The following TENM1 variants were observed in gnomAD, a reference collection of about 807,000 sequenced individuals.
The protein encoded by TENM1 is teneurin transmembrane protein 1.
Under a neutral mutation model 174.8 loss-of-function variants are expected in TENM1, and 35 were observed. The ratio of observed to expected loss-of-function variants is 0.20; its 90% CI spans 0.15 to 0.27. The LOEUF is 0.27. Ranked by LOEUF, TENM1 falls within the 10% of genes least tolerant of loss-of-function variation. The pLI, the probability that TENM1 is intolerant of heterozygous loss-of-function variation, is 1.00. For missense variants in TENM1, 1,633 were observed against 2,130.1 expected (o/e 0.77, Z 4.59); for synonymous variants, 781 against 798.7 (o/e 0.98, Z 0.37).
At chrX:124,422,512 T>A in exon 24 of TENM1, 1 of 1,211,351 alleles carries the variant, frequency 8.3e-7, no homozygotes, top group Non-Finnish European at 1.1e-6. Flanking sequence ...TGGCAGTGAA[T>A]GGGGCGTCCT....
chrX:125,130,349 CAG>C, the TENM1 span, among the ~76,000 whole-genome samples: 1 of 110,669 alleles, frequency 9.0e-6, no homozygotes. Context: ...CTACTCAAAA[CAG>C]AAGTAAAAAC....
chrX:124,735,790 T>C (rs1242183622), intron 4 of TENM1, among the ~76,000 whole-genome samples: 2 of 111,528 alleles, frequency 1.8e-5, no homozygotes, highest in African/African-American at 6.5e-5. Flanking sequence ...GCAACATGGA[T>C]AGAGCTGTAG....
chrX:125,035,836 G>C, the TENM1 span, among the ~76,000 whole-genome samples: 65 of 110,833 alleles, frequency 5.9e-4, no homozygotes, highest in African/African-American at 2.1e-3. Context: ...GAGTCAAAAA[G>C]GTCTCAGGGC....
In TENM1 at chrX:124,464,673, A is replaced by G. The variant is rs73548508; in HGVS notation, c.3950-11182T>C. ...CGTTTGGGAGAACTGATTTGGGCTC[A>G]ATCAAGAATATATGAATATAACAAC... On this transcript the variant is annotated intron_variant, in intron 22 of 31. Transcript: ENST00000422452. Among the ~76,000 whole-genome samples, 617 of 112,183 alleles carry G rather than the reference A, an allele frequency of 5.5e-3. 8 individuals carry two copies. The highest frequency in any genetic ancestry group is 0.019 in the African/African-American group (591 of 30,888).
At chrX:124,510,728 T>G (rs751729785) in intron 18 of TENM1, among the ~76,000 whole-genome samples, 1 of 109,622 alleles carries the variant, frequency 9.1e-6, no homozygotes, top group South Asian at 4.0e-4. Flanking sequence ...AAAGTCATGA[T>G]GAGAAACACA....
chrX:124,908,822 C>T (rs1398968756), intron 1 of TENM1, among the ~76,000 whole-genome samples: 1 of 110,344 alleles, frequency 9.1e-6, no homozygotes, highest in African/African-American at 3.3e-5. Flanking sequence ...TTCATTTAAT[C>T]CTCAGAGTAG....
intron 4 of TENM1, among the ~76,000 whole-genome samples, chrX:124,711,308 GCTCT>G (rs774704122): frequency 3.0e-4 from 33 of 111,854 alleles, no homozygotes; most frequent in Middle Eastern, 9.3e-3. Context: ...GGGAAAATGT[GCTCT>G]CTATTTTTAA....
intron 27 of TENM1, among the ~76,000 whole-genome samples, chrX:124,396,304 C>CCTTTTTTTTTTTT (rs1391207394): frequency 1.4e-5 from 1 of 70,467 alleles, no homozygotes; most frequent in African/African-American, 6.3e-5. Flanking sequence ...CTCTCCCAAC[C>CCTTTTTTTTTTTT]TTTTTTTTTT....
chrX:125,084,070 T>C, the TENM1 span, among the ~76,000 whole-genome samples: 2 of 111,387 alleles, frequency 1.8e-5, no homozygotes, highest in Admixed American at 1.9e-4. Context: ...GGAAGGATTT[T>C]GCTCAAAAAG....
chrX:125,165,645 G>A, the TENM1 span, among the ~76,000 whole-genome samples: 1 of 111,830 alleles, frequency 8.9e-6, no homozygotes, highest in Non-Finnish European at 1.9e-5. Flanking sequence ...AGGGCCCACA[G>A]TTCAGGAAGA....
rs754679445 is a variant in TENM1 at position 124,523,565 on chromosome X, G to C, written c.2832C>G (p.Phe944Leu). The change falls in exon 17 of 32, where the codon TTC becomes TTG. Residue 944 changes from phenylalanine to leucine, a missense_variant. Phe to Leu is a conservative substitution (Grantham distance 22, BLOSUM62 0). This residue lies in a region of TENM1 where 449 missense variants were observed against 636.2 expected (regional missense o/e 0.71). Coordinates refer to ENST00000422452, the Ensembl canonical transcript of TENM1. ...ACCAGAGTGTTCTCTTCTCAGGCAG[G>C]AAAGGGGATCGGTCGAAGATTAAGA... 3 of 1,211,776 alleles carry C rather than the reference G, an allele frequency of 2.5e-6. No individual in the cohort carries two copies. In the East Asian group the frequency reaches 8.9e-5, roughly 36 times the overall value.
chrX:124,789,929 C>T (rs1038566268), intron 3 of TENM1, among the ~76,000 whole-genome samples: 1 of 111,772 alleles, frequency 8.9e-6, no homozygotes, highest in Admixed American at 9.5e-5. Flanking sequence ...AGTCCATTTT[C>T]ATGCTGCTGA....
intron 22 of TENM1, among the ~76,000 whole-genome samples, chrX:124,463,836 G>GGTGT (rs61128914): frequency 0.047 from 4,287 of 90,828 alleles, 100 homozygotes; most frequent in East Asian, 0.12. Flanking sequence ...TAGAGGTTGG[G>GGTGT]GTGTGTGTGT....
chrX:124,889,640 G>T (rs757784025), intron 3 of TENM1, among the ~76,000 whole-genome samples: 1 of 110,344 alleles, frequency 9.1e-6, no homozygotes, highest in Non-Finnish European at 1.9e-5. Context: ...ATTTCTTGTG[G>T]GTACCTAGTA....
At chrX:125,002,169 T>C in the TENM1 span, among the ~76,000 whole-genome samples, 1 of 111,609 alleles carries the variant, frequency 9.0e-6, no homozygotes, top group Non-Finnish European at 1.9e-5. Flanking sequence ...GCCTGGAATG[T>C]AGTTGGTATA....
intron 1 of TENM1, among the ~76,000 whole-genome samples, chrX:124,952,476 C>A (rs1372754046): frequency 7.2e-5 from 8 of 110,491 alleles, no homozygotes; most frequent in African/African-American, 2.6e-4. Context: ...ATCAAAACCA[C>A]AGATTACTTT....
At chrX:124,482,297 T>C (rs2046863134) in intron 21 of TENM1, among the ~76,000 whole-genome samples, 1 of 110,412 alleles carries the variant, frequency 9.1e-6, no homozygotes, top group Admixed American at 9.8e-5. Context: ...AGATCACTGC[T>C]GGGTGTCTCA....
At chrX:124,575,945 C>T (rs1360956452) in intron 11 of TENM1, among the ~76,000 whole-genome samples, 1 of 112,238 alleles carries the variant, frequency 8.9e-6, no homozygotes, top group Non-Finnish European at 1.9e-5. Context: ...GACACTTTTG[C>T]CTATCCAAAT....
chrX:124,916,884 C>A (rs1008213859), intron 1 of TENM1, among the ~76,000 whole-genome samples: 3 of 110,216 alleles, frequency 2.7e-5, no homozygotes, highest in African/African-American at 9.9e-5. Flanking sequence ...GACTCCCCAG[C>A]CTTCAGAACC....
Sources: gnomAD v4.1 joint callset for allele counts (sites outside exome capture counted in the v4.1 genomes callset) on GRCh38, gnomAD v4.1.1 for gene constraint, gnomAD v4.1.1 regional missense constraint, MANE v1.5 for transcripts, NCBI Gene and HGNC (gene_info 2026-07-23, HGNC 2026-07-21) for gene names.